The following PRRX1 variants were observed in gnomAD, a reference collection of about 807,000 sequenced individuals.
PRRX1 encodes paired related homeobox 1.
In PRRX1, 8 loss-of-function variants were observed where a neutral mutation model predicts 24.0. The observed-to-expected ratio is 0.33, with a 90% CI of 0.20 to 0.60. PRRX1 has a LOEUF of 0.60. Ranked by LOEUF, PRRX1 falls within the 20% of genes least tolerant of loss-of-function variation. PRRX1 has a pLI of 0.82. For missense variants in PRRX1, 281 were observed against 322.4 expected (o/e 0.87, Z 0.98); for synonymous variants, 160 against 131.7 (o/e 1.22, Z -1.47).
chr1:170,720,786 GAA>G (rs1655057192), intron 2 of PRRX1, among the ~76,000 whole-genome samples: 5 of 152,090 alleles, frequency 3.3e-5, no homozygotes, highest in Non-Finnish European at 7.4e-5. Context: ...TGAAAGGCAG[GAA>G]AAAGAGAATA....
At chr1:170,677,228 T>C (rs1653351967) in intron 1 of PRRX1, among the ~76,000 whole-genome samples, 1 of 152,254 alleles carries the variant, frequency 6.6e-6, no homozygotes, top group African/African-American at 2.4e-5. Context: ...ACTTGCCAAC[T>C]GATTTTAGAC....
At chr1:170,682,754 G>T (rs915564216) in intron 1 of PRRX1, among the ~76,000 whole-genome samples, 1 of 152,086 alleles carries the variant, frequency 6.6e-6, no homozygotes, top group African/African-American at 2.4e-5. Flanking sequence ...GGGAAAAAAG[G>T]CAATAAACAA....
chr1:170,706,121 T>A (rs775692697), intron 1 of PRRX1, among the ~76,000 whole-genome samples: 24 of 152,218 alleles, frequency 1.6e-4, no homozygotes, highest in Non-Finnish European at 3.4e-4. Context: ...AAAAGTTATC[T>A]AAAAGAAAAT....
intron 1 of PRRX1, among the ~76,000 whole-genome samples, chr1:170,670,337 A>G (rs941961477): frequency 1.1e-4 from 16 of 152,348 alleles, no homozygotes; most frequent in African/African-American, 3.4e-4. Flanking sequence ...CTTGGTGAGC[A>G]GGCAAGCACT....
intron 1 of PRRX1, among the ~76,000 whole-genome samples, chr1:170,698,678 C>A (rs1487829740): frequency 6.6e-6 from 1 of 152,136 alleles, no homozygotes; most frequent in Non-Finnish European, 1.5e-5. Flanking sequence ...ACATTCAGAG[C>A]AGAATTGGCG....
chr1:170,689,157 TA>T (rs1653844807), intron 1 of PRRX1, among the ~76,000 whole-genome samples: 3 of 152,286 alleles, frequency 2.0e-5, no homozygotes, highest in South Asian at 2.1e-4. Context: ...AGAGGACCTT[TA>T]TTTTTTTTTC....
intron 1 of PRRX1, among the ~76,000 whole-genome samples, chr1:170,679,770 CAT>C (rs111665369): frequency 0.043 from 6,622 of 152,242 alleles, 452 homozygotes; most frequent in African/African-American, 0.14. Flanking sequence ...GAAGAAAAAA[CAT>C]GTGTCAAAGA....
chr1:170,675,905 A>AGG (rs1653305380), intron 1 of PRRX1, among the ~76,000 whole-genome samples: 1 of 152,162 alleles, frequency 6.6e-6, no homozygotes, highest in Non-Finnish European at 1.5e-5. Context: ...GAAGAGAGAG[A>AGG]GTAAACACCA....
At chr1:170,727,756 T>G (rs1317574592) in intron 3 of PRRX1, 2 of 152,174 alleles carry the variant, frequency 1.3e-5, no homozygotes, top group African/African-American at 4.8e-5. Context: ...TCTAGGAAAG[T>G]CTTATTCTGG....
chr1:170,673,911 A>G (rs1215284381), intron 1 of PRRX1, among the ~76,000 whole-genome samples: 1 of 152,114 alleles, frequency 6.6e-6, no homozygotes, highest in Non-Finnish European at 1.5e-5. Context: ...CCACCCTCCT[A>G]GCCTGTGGAA....
rs201665682 is a variant in PRRX1, at chr1:170,726,451, C to T, written c.599+50C>T. The T allele has an allele frequency of 4.2e-5, 66 of 1,586,542 alleles. No homozygotes were observed. In the Admixed American group the frequency reaches 8.2e-4, roughly 20 times the overall value. On this transcript the variant is annotated intron_variant, in intron 3 of 3. Transcript: ENST00000239461. ...TGCTCCACTTCCACATGTTTCTCAGCGGTCGGTCATGTTTCAAGCTGCTTG... is the reference window on the plus strand; with the variant it reads ...TGCTCCACTTCCACATGTTTCTCAGTGGTCGGTCATGTTTCAAGCTGCTTG...
At chr1:170,664,792 G>GGGGCT (rs1245171488) in intron 1 of PRRX1, among the ~76,000 whole-genome samples, 1 of 152,242 alleles carries the variant, frequency 6.6e-6, no homozygotes, top group Non-Finnish European at 1.5e-5. Context: ...GCGGGGCGGC[G>GGGGCT]GGGCTGGGCT....
chr1:170,691,773 ACAAAATGAAG>A (rs1197703081), intron 1 of PRRX1, among the ~76,000 whole-genome samples: 1 of 151,954 alleles, frequency 6.6e-6, no homozygotes, highest in Non-Finnish European at 1.5e-5. Context: ...TTGAAAATAA[ACAAAATGAAG>A]CATAGTCCAA....
chr1:170,727,102 CGTGT>C (rs147028355), intron 3 of PRRX1: 1 of 150,750 alleles, frequency 6.6e-6, no homozygotes, highest in Non-Finnish European at 1.5e-5. Flanking sequence ...TGTGTGTGTG[CGTGT>C]GTGTGTGTGT....
Position 170,719,843 on chromosome 1 carries a change from A to C in PRRX1, c.359A>C (p.Asp120Ala). Residue 120 changes from aspartate (D) to alanine (A), a missense_variant, in exon 2 of 4, where the codon GAT becomes GCT. Transcript: ENST00000239461. ...ERVFERTHYP[D>A]AFVREDLARR... ...GTCTTTGAGCGGACACACTATCCTGATGCTTTTGTGCGAGAAGACCTTGCC... is the reference window on the plus strand; with the variant it reads ...GTCTTTGAGCGGACACACTATCCTGCTGCTTTTGTGCGAGAAGACCTTGCC... The C allele has an allele frequency of 6.2e-7, 1 of 1,614,182 alleles. No individual in the cohort carries two copies. Among genetic ancestry groups the C allele is most frequent in the South Asian group, 1.1e-5 (1 of 91,080 alleles).
intron 3 of PRRX1, among the ~76,000 whole-genome samples, chr1:170,734,755 G>C (rs562469942): frequency 2.6e-4 from 39 of 152,186 alleles, no homozygotes; most frequent in African/African-American, 9.2e-4. Context: ...CTAGTGATCT[G>C]GGACTCATTA....
In PRRX1 at chr1:170,736,659, T is replaced by C. The variant is rs1390403295; in HGVS notation, c.*473T>C. Reference sequence around the variant, plus strand: ...TCTTCCCAGTTCTCTTTATAGAAGCTCTAGGAGCTTTCGAAAAGCCAAAGT... The same window carrying C: ...TCTTCCCAGTTCTCTTTATAGAAGCCCTAGGAGCTTTCGAAAAGCCAAAGT... On this transcript the variant is annotated 3_prime_UTR_variant, in exon 4 of 4. Transcript: ENST00000239461. 5.1e-6 allele frequency: 1 copy of C among 196,844 alleles called. No individual in the cohort carries two copies. Among genetic ancestry groups the C allele is most frequent in the Non-Finnish European group, 1.1e-5 (1 of 94,102 alleles). 12.2% of individuals were successfully genotyped at this position (196,844 alleles called of 1,614,324 possible). A position where few individuals can be genotyped will look rare whatever the true frequency, so the allele number is the denominator to read the frequency against.
At chr1:170,702,697 G>T (rs778960395) in intron 1 of PRRX1, among the ~76,000 whole-genome samples, 35 of 152,198 alleles carry the variant, frequency 2.3e-4, no homozygotes, top group Non-Finnish European at 5.0e-4. Flanking sequence ...AAGGGTAAAC[G>T]CTCAAATTTA....
chr1:170,731,057 T>A (rs946771061), intron 3 of PRRX1, among the ~76,000 whole-genome samples: 3 of 152,176 alleles, frequency 2.0e-5, no homozygotes, highest in Non-Finnish European at 4.4e-5. Flanking sequence ...AATATACGTA[T>A]TAGAAAATCA....
Sources: allele counts gnomAD v4.1 joint callset (sites outside exome capture counted in the v4.1 genomes callset), GRCh38; gene constraint gnomAD v4.1.1; transcripts MANE v1.5; gene names NCBI Gene and HGNC (gene_info 2026-07-23, HGNC 2026-07-21).